SRCIN1: variants seen among roughly 807,000 people sequenced by gnomAD.
The protein encoded by SRCIN1 is SRC kinase signaling inhibitor 1, also known as P130Cas-associated protein.
Under a neutral mutation model 116.2 loss-of-function variants are expected in SRCIN1, and 50 were observed. The observed-to-expected ratio is 0.43, with a 90% CI of 0.34 to 0.54. SRCIN1 has a LOEUF of 0.54. Ranked by LOEUF, SRCIN1 falls within the 20% of genes least tolerant of loss-of-function variation. SRCIN1 has a pLI of 0.02. For missense variants in SRCIN1, 1,446 were observed against 1,672.0 expected (o/e 0.86, Z 2.36); for synonymous variants, 736 against 750.0 (o/e 0.98, Z 0.30).
In SRCIN1 at chr17:38,548,772, C is replaced by CCAGG. The variant is rs1485186165; in HGVS notation, c.3118-67_3118-64dup. 5.4e-6 allele frequency: 8 copies of CCAGG among 1,479,434 alleles called. No homozygotes were observed. In the African/African-American group the frequency reaches 1.1e-4, roughly 21 times the overall value. The allele number at this position is 1,479,434 out of a possible 1,614,324, so 91.6% of individuals were successfully genotyped here. On this transcript the variant is annotated intron_variant, in intron 16 of 18. Transcript: ENST00000617146. Reference sequence around the variant, plus strand: ...CCCCACTTCAGCACCAGCTCACCTCCCAGGCCCCATCGCCCATGTACCCCA... The same window carrying CCAGG: ...CCCCACTTCAGCACCAGCTCACCTCCCAGGCAGGCCCCATCGCCCATGTACCCCA...
intron 1 of SRCIN1, among the ~76,000 whole-genome samples, chr17:38,584,243 TC>T (rs1335695251): frequency 6.6e-6 from 1 of 151,816 alleles, no homozygotes; most frequent in Non-Finnish European, 1.5e-5. Context: ...GCCTGAAGGT[TC>T]CCCCCAACCC....
At chr17:38,574,295 T>C (rs1907267119) in intron 2 of SRCIN1, among the ~76,000 whole-genome samples, 1 of 152,340 alleles carries the variant, frequency 6.6e-6, no homozygotes, top group East Asian at 1.9e-4. Flanking sequence ...TGTGTCCCTG[T>C]CTAAGCTAAG....
At chr17:38,550,420 G>A (rs1415987881) in intron 15 of SRCIN1, among the ~76,000 whole-genome samples, 1 of 152,178 alleles carries the variant, frequency 6.6e-6, no homozygotes, top group Non-Finnish European at 1.5e-5. Flanking sequence ...CGAGAACCCA[G>A]GAGGCGGAGC....
chr17:38,571,430 C>A (rs951385437), intron 2 of SRCIN1, among the ~76,000 whole-genome samples: 8 of 152,222 alleles, frequency 5.3e-5, no homozygotes, highest in African/African-American at 1.9e-4. Context: ...CATCTCCTGG[C>A]ACCCAGCACT....
intron 3 of SRCIN1, among the ~76,000 whole-genome samples, chr17:38,566,165 G>C (rs1285271717): frequency 2.0e-5 from 3 of 152,122 alleles, no homozygotes; most frequent in Admixed American, 2.0e-4. Context: ...CATGGTGCCG[G>C]GGGGACACCA....
At chr17:38,548,989 C>A in intron 16 of SRCIN1, 67 bp downstream of exon 16, 3 of 1,566,408 alleles carry the variant, frequency 1.9e-6, no homozygotes, top group Non-Finnish European at 2.6e-6. Flanking sequence ...CAGAGGGCCT[C>A]CAGAAGTCAT....
chr17:38,534,970 A>T (rs1345480425), intron 18 of SRCIN1, among the ~76,000 whole-genome samples: 1 of 152,058 alleles, frequency 6.6e-6, no homozygotes, highest in Non-Finnish European at 1.5e-5. Flanking sequence ...ACTAAAAAAA[A>T]AATTTTTTTT....
chr17:38,579,615 C>G (rs1907664094), intron 1 of SRCIN1, among the ~76,000 whole-genome samples: 1 of 152,192 alleles, frequency 6.6e-6, no homozygotes, highest in African/African-American at 2.4e-5. Context: ...AGTCTCTCCT[C>G]CCGACACACA....
intron 18 of SRCIN1, among the ~76,000 whole-genome samples, chr17:38,533,778 G>A (rs976327974): frequency 2.0e-5 from 3 of 149,578 alleles, no homozygotes; most frequent in Admixed American, 6.6e-5. Context: ...GGGCAGGGGA[G>A]GGGAGGAAGA....
chr17:38,589,507 C>A (rs531186257), intron 1 of SRCIN1, among the ~76,000 whole-genome samples: 3 of 152,210 alleles, frequency 2.0e-5, no homozygotes, highest in Non-Finnish European at 4.4e-5. Context: ...GGCTCCCTTG[C>A]TGAGGTGTTT....
rs894032363 is a variant in SRCIN1, at chr17:38,568,893, G to A, written c.325-662C>T. ...CAGAGTGGGATCAGAACTAGACCCC[G>A]GGGCAGAGGTGGATGGGGTGGATCA... On this transcript the variant is annotated intron_variant, in intron 2 of 18. Transcript: ENST00000617146. This position sits in a 1 kb window ranked among gnomAD's most constrained non-coding sequence, Gnocchi z 4.5. Among the ~76,000 whole-genome samples, 4 of 151,892 alleles carry A rather than the reference G, an allele frequency of 2.6e-5. No homozygotes were observed. Among genetic ancestry groups the A allele is most frequent in the Non-Finnish European group, 2.9e-5 (2 of 67,968 alleles).
intron 1 of SRCIN1, among the ~76,000 whole-genome samples, chr17:38,597,823 A>AT (rs1908802130): frequency 6.6e-6 from 1 of 152,104 alleles, no homozygotes; most frequent in Non-Finnish European, 1.5e-5. Flanking sequence ...AGAAGAGAAG[A>AT]TTTCTCTTCG....
chr17:38,543,115 C>G (rs778073154), intron 18 of SRCIN1: 1 of 456,768 alleles, frequency 2.2e-6, no homozygotes, highest in Non-Finnish European at 4.4e-6. Context: ...CTCCACACAG[C>G]CTCCGCGCCT....
rs1462233019 is a variant in SRCIN1, at chr17:38,552,537, G to A, written c.2390C>T (p.Ala797Val). 1 of 1,607,190 alleles carries A rather than the reference G, an allele frequency of 6.2e-7. No homozygotes were observed. The change falls in exon 13 of 19, where the codon GCG (alanine) becomes GTG (valine). Residue 797 changes from alanine to valine, a missense_variant. Transcript: ENST00000617146. The surrounding 1 kb of genome is among the most constrained non-coding windows in gnomAD (Gnocchi z 5.3). ...GGGCTCCTCCTTCAGGAACTTCACC[G>A]CCTCCACCTCCACGCGCAGCACCAC... is the stretch of plus-strand genomic sequence containing the variant. ...MRVVLRVEVEAVKFLKEEPQR... is the reference protein window; with the variant it reads ...MRVVLRVEVEVVKFLKEEPQR...
intron 3 of SRCIN1, among the ~76,000 whole-genome samples, chr17:38,566,861 T>TTCC (rs1906721473): frequency 1.6e-5 from 1 of 61,680 alleles, no homozygotes; most frequent in African/African-American, 6.2e-5. Flanking sequence ...TTTTGTTTTG[T>TTCC]TTCGTTTCCT....
At chr17:38,570,809 G>A (rs955607418) in intron 2 of SRCIN1, among the ~76,000 whole-genome samples, 1 of 152,250 alleles carries the variant, frequency 6.6e-6, no homozygotes, top group Non-Finnish European at 1.5e-5. Context: ...AGAGGACTGG[G>A]TGGCATCAGT....
At position 38,532,536 on chromosome 17, in the gene SRCIN1, G is replaced by A. The variant is rs2040936056; in HGVS notation, c.*761C>T. On this transcript the variant is annotated 3_prime_UTR_variant, in exon 19 of 19. Coordinates refer to ENST00000617146, the MANE Select transcript of SRCIN1 (RefSeq NM_025248.3). This position sits in a 1 kb window ranked among gnomAD's most constrained non-coding sequence, Gnocchi z 4.3. ...ACAGCCAGCAGACCAAAGGGCCTCTGCCCTCCACTCCCCACTGGACGGCAA... is the reference window on the plus strand; with the variant it reads ...ACAGCCAGCAGACCAAAGGGCCTCTACCCTCCACTCCCCACTGGACGGCAA... The A allele has an allele frequency of 6.6e-6, 1 of 152,612 alleles. No individual in the cohort carries two copies. The highest frequency in any genetic ancestry group is 2.4e-5 in the African/African-American group (1 of 41,446). 9.5% of individuals were successfully genotyped at this position (152,612 alleles called of 1,614,324 possible).
At chr17:38,554,075 G>A (rs1215705627) in intron 11 of SRCIN1, among the ~76,000 whole-genome samples, 5 of 152,162 alleles carry the variant, frequency 3.3e-5, no homozygotes, top group African/African-American at 9.7e-5. Context: ...GCTGGCCATG[G>A]TGGCGTGCGG....
At chr17:38,575,995 T>G (rs1428842660) in intron 2 of SRCIN1, among the ~76,000 whole-genome samples, 2 of 151,972 alleles carry the variant, frequency 1.3e-5, no homozygotes, top group African/African-American at 4.8e-5. Context: ...AACGAATGAG[T>G]GAAAGAAGAA....
Sources: allele counts gnomAD v4.1 joint callset (sites outside exome capture counted in the v4.1 genomes callset), GRCh38; gene constraint gnomAD v4.1.1; non-coding constraint Gnocchi (gnomAD v3.1); transcripts MANE v1.5; gene names NCBI Gene and HGNC (gene_info 2026-07-23, HGNC 2026-07-21).